ADAM9: variants seen among roughly 807,000 people sequenced by gnomAD.
The protein encoded by ADAM9 is ADAM metallopeptidase domain 9.
Under a neutral mutation model 108.1 loss-of-function variants are expected in ADAM9, and 54 were observed. That is an observed-to-expected ratio of 0.50 (90% CI 0.40 to 0.63). The LOEUF (loss-of-function observed/expected upper bound fraction) is 0.63, where lower values mean the gene tolerates loss of function less well. ADAM9 is among the 20% of genes least tolerant of loss of function. The probability of loss-of-function intolerance (pLI) is 0.00; values close to 1 mark genes in which losing one functional copy is unlikely to be tolerated. For missense variants in ADAM9, 830 were observed against 997.7 expected, an observed-to-expected ratio of 0.83 and a Z score of 2.26; for synonymous variants, 316 against 336.0, an observed-to-expected ratio of 0.94 and a Z score of 0.65.
intron 14 of ADAM9, among the ~76,000 whole-genome samples, chr8:39,069,570 C>A (rs964509688): frequency 6.6e-6 from 1 of 151,996 alleles, no homozygotes; most frequent in Non-Finnish European, 1.5e-5. Context: ...CCTTAAAAAA[C>A]CTTATGAGGA....
intron 19 of ADAM9, 52 bp from the exon 20 acceptor site, chr8:39,091,207 A>C: frequency 7.9e-6 from 12 of 1,517,812 alleles, no homozygotes; most frequent in Non-Finnish European, 1.1e-5. Context: ...GTAATATTTC[A>C]TGTAGAAATG....
intron 12 of ADAM9, among the ~76,000 whole-genome samples, chr8:39,050,580 T>C (rs979425487): frequency 4.6e-5 from 7 of 152,200 alleles, no homozygotes; most frequent in African/African-American, 1.7e-4. Flanking sequence ...TGGTGTATTC[T>C]TCAGCCCCGA....
At chr8:39,069,094 G>T (rs537956847) in intron 14 of ADAM9, among the ~76,000 whole-genome samples, 1 of 152,258 alleles carries the variant, frequency 6.6e-6, no homozygotes, top group South Asian at 2.1e-4. Context: ...ATTCTACGGT[G>T]TAAAAAGGGT....
At position 39,065,532 on chromosome 8, in the gene ADAM9, C is replaced by T. The variant is rs1460363850; in HGVS notation, c.1592-5766C>T. Among the ~76,000 whole-genome samples, 8 of 151,662 alleles carry T rather than the reference C, an allele frequency of 5.3e-5. No homozygotes were observed. The South Asian group carries it at 6.2e-4, about 12-fold the overall frequency. Reference sequence around the variant, plus strand: ...AAAATTAGCCTGGTGTGGTGGCAGGCGCCTGTATTCCCAGCTACTCGGGAG... The same window carrying T: ...AAAATTAGCCTGGTGTGGTGGCAGGTGCCTGTATTCCCAGCTACTCGGGAG... On this transcript the variant is annotated intron_variant, in intron 14 of 21. Coordinates refer to ENST00000487273, the MANE Select transcript of ADAM9 (RefSeq NM_003816.3).
At chr8:38,997,184 G>A (rs1185074566) in intron 1 of ADAM9, 24 bp downstream of exon 1, 1 of 1,591,198 alleles carries the variant, frequency 6.3e-7, no homozygotes, top group Non-Finnish European at 8.5e-7. Flanking sequence ...CCCCGGGTCG[G>A]TTGGGACGGC....
At chr8:39,003,593 A>G (rs575624416) in intron 1 of ADAM9, among the ~76,000 whole-genome samples, 2 of 152,266 alleles carry the variant, frequency 1.3e-5, no homozygotes, top group African/African-American at 2.4e-5. Flanking sequence ...TTTTGGGAAA[A>G]AAACATGGGA....
intron 9 of ADAM9, among the ~76,000 whole-genome samples, chr8:39,023,798 G>A (rs1836831979): frequency 7.5e-6 from 1 of 132,834 alleles, no homozygotes; most frequent in African/African-American, 2.9e-5. Context: ...CCAGACCAGA[G>A]TGCAGTGGCA....
chr8:39,045,072 A>G (rs372161733), intron 12 of ADAM9, among the ~76,000 whole-genome samples: 2 of 34,036 alleles, frequency 5.9e-5, no homozygotes, highest in African/African-American at 9.2e-5. Context: ...ATACATACAT[A>G]TGTGTGTGTG....
rs1174780189 is a variant in ADAM9 at position 39,082,658 on chromosome 8, G to A, written c.1899G>A (p.Gln633=). 5 of 1,610,442 alleles carry A rather than the reference G, an allele frequency of 3.1e-6. No individual in the cohort carries two copies. In the Admixed American group the frequency reaches 5.0e-5, roughly 16 times the overall value. The change falls in exon 17 of 22, where the codon CAG becomes CAA. Residue 633 remains glutamine, a synonymous_variant. Transcript: ENST00000487273. ...TTTTTCAGATCTGTAGAAACTTCCA[G>A]TGTGTAGATGCTTCTGTTCTGAATT... The part of the protein sequence containing the change: ...CGAGKICRNF[Q]CVDASVLNYD...
chr8:39,102,896 T>C (rs1288954211), intron 21 of ADAM9, among the ~76,000 whole-genome samples: 1 of 152,220 alleles, frequency 6.6e-6, no homozygotes, highest in Non-Finnish European at 1.5e-5. Flanking sequence ...AAAATGCAAA[T>C]GCATGTGACC....
At chr8:39,031,764 G>C (rs1444018808) in intron 11 of ADAM9, among the ~76,000 whole-genome samples, 1 of 152,166 alleles carries the variant, frequency 6.6e-6, no homozygotes, top group Non-Finnish European at 1.5e-5. Flanking sequence ...TTTCTGCTCT[G>C]GTTTCTCCCC....
chr8:39,056,415 A>AT (rs1310787148), intron 14 of ADAM9, among the ~76,000 whole-genome samples: 1 of 151,902 alleles, frequency 6.6e-6, no homozygotes, highest in Non-Finnish European at 1.5e-5. Flanking sequence ...CGACGTTTTG[A>AT]TTTTTTTGTT....
intron 9 of ADAM9, 66 bp from the exon 10 acceptor site, chr8:39,025,737 T>C (rs1419430510): frequency 6.8e-7 from 1 of 1,465,348 alleles, no homozygotes; most frequent in East Asian, 2.3e-5. Flanking sequence ...AGATTATTCA[T>C]AAAATAAAAG....
intron 1 of ADAM9, among the ~76,000 whole-genome samples, chr8:38,998,016 G>A (rs1484183721): frequency 6.6e-6 from 1 of 152,200 alleles, no homozygotes; most frequent in Non-Finnish European, 1.5e-5. Flanking sequence ...CTGGAAACAA[G>A]TTGTTTATTT....
intron 1 of ADAM9, among the ~76,000 whole-genome samples, chr8:39,006,414 A>G (rs928883386): frequency 2.0e-5 from 3 of 151,766 alleles, no homozygotes; most frequent in African/African-American, 7.3e-5. Flanking sequence ...TTATCTTGGA[A>G]AAAGTTAGAT....
chr8:39,069,044 C>A (rs933345488), intron 14 of ADAM9, among the ~76,000 whole-genome samples: 5 of 152,130 alleles, frequency 3.3e-5, no homozygotes, highest in African/African-American at 9.7e-5. Context: ...TTCTCTATAG[C>A]CAGAGGTACC....
In ADAM9 at chr8:39,090,043, C is replaced by G; in HGVS notation, c.2069-4C>G. The G allele has an allele frequency of 6.2e-7, 1 of 1,613,674 alleles. No homozygotes were observed. Among genetic ancestry groups the G allele is most frequent in the Admixed American group, 1.7e-5 (1 of 59,992 alleles). On this transcript the variant is annotated splice_region_variant and splice_polypyrimidine_tract_variant and intron_variant, in intron 18 of 21. Transcript: ENST00000487273. ...GACTGTTGATGTAAAATTCTTCTCT[C>G]TAGAAATGAATACTGCATTGAGGGA...
At chr8:39,096,426 C>A (rs1839509927) in intron 20 of ADAM9, among the ~76,000 whole-genome samples, 1 of 152,080 alleles carries the variant, frequency 6.6e-6, no homozygotes, top group Non-Finnish European at 1.5e-5. Context: ...ATCACAAAAA[C>A]TCTACCCCTT....
intron 14 of ADAM9, among the ~76,000 whole-genome samples, chr8:39,070,789 T>G (rs1261420146): frequency 6.7e-6 from 1 of 149,452 alleles, no homozygotes; most frequent in East Asian, 1.9e-4. Context: ...AAAGCAAGAA[T>G]AGATTGTTAC....
Sources: allele counts gnomAD v4.1 joint callset (sites outside exome capture counted in the v4.1 genomes callset), GRCh38; gene constraint gnomAD v4.1.1; transcripts MANE v1.5; gene names NCBI Gene and HGNC (gene_info 2026-07-23, HGNC 2026-07-21).